The following SUPT3H variants were observed in gnomAD, a reference collection of about 807,000 sequenced individuals.
SUPT3H encodes the protein SPT3 homolog, SAGA and STAGA complex component.
Under a neutral mutation model 44.3 loss-of-function variants are expected in SUPT3H, and 44 were observed. The ratio of observed to expected loss-of-function variants is 0.99; its 90% CI spans 0.78 to 1.28. SUPT3H has a LOEUF of 1.28. Ranked by LOEUF, SUPT3H falls within the 50% of genes most tolerant of loss-of-function variation. SUPT3H has a pLI of 0.00. For missense variants in SUPT3H, 380 were observed against 387.1 expected, an observed-to-expected ratio of 0.98 and a Z score of 0.15; for synonymous variants, 124 against 125.6, an observed-to-expected ratio of 0.99 and a Z score of 0.09.
intron 3 of SUPT3H, among the ~76,000 whole-genome samples, chr6:45,093,812 A>G (rs1583497667): frequency 6.6e-6 from 1 of 152,148 alleles, no homozygotes; most frequent in Admixed American, 6.6e-5. Context: ...CAACAGACTG[A>G]ATGGCTTACT....
chr6:44,972,409 A>C (rs550535573), intron 6 of SUPT3H, among the ~76,000 whole-genome samples: 1 of 152,282 alleles, frequency 6.6e-6, no homozygotes, highest in East Asian at 1.9e-4. Context: ...GCCTCTTGTC[A>C]GCTACGCCCC....
intron 2 of SUPT3H, among the ~76,000 whole-genome samples, chr6:45,176,294 G>C (rs536801393): frequency 1.3e-4 from 20 of 151,662 alleles, no homozygotes; most frequent in African/African-American, 1.9e-4. Context: ...TTCCCTTTCC[G>C]AGTCAAAGAA....
intron 2 of SUPT3H, among the ~76,000 whole-genome samples, chr6:45,176,268 G>A (rs927666450): frequency 5.1e-4 from 77 of 150,344 alleles, no homozygotes; most frequent in Middle Eastern, 3.4e-3. Flanking sequence ...CCTGGGAAGC[G>A]CGAGGGGTCA....
At chr6:45,092,673 C>T (rs540379828) in intron 3 of SUPT3H, among the ~76,000 whole-genome samples, 1 of 147,776 alleles carries the variant, frequency 6.8e-6, no homozygotes, top group East Asian at 2.0e-4. Flanking sequence ...TTACTTGAAC[C>T]TGTGAGTTGG....
At chr6:45,079,521 G>C (rs989312821) in intron 3 of SUPT3H, among the ~76,000 whole-genome samples, 2 of 151,972 alleles carry the variant, frequency 1.3e-5, no homozygotes, top group Non-Finnish European at 2.9e-5. Flanking sequence ...AAAAAACCTA[G>C]AAGAACCATG....
At chr6:45,016,581 A>G (rs890835931) in intron 4 of SUPT3H, among the ~76,000 whole-genome samples, 3 of 144,110 alleles carry the variant, frequency 2.1e-5, no homozygotes, top group Admixed American at 7.4e-5. Flanking sequence ...TCTATGAGTG[A>G]GAACATGCAG....
chr6:45,136,289 G>A (rs955575490), intron 2 of SUPT3H, among the ~76,000 whole-genome samples: 3 of 152,148 alleles, frequency 2.0e-5, no homozygotes, highest in Non-Finnish European at 4.4e-5. Flanking sequence ...ATGTTTGGGT[G>A]ACAGACTTAG....
intron 2 of SUPT3H, among the ~76,000 whole-genome samples, chr6:45,331,986 C>T (rs1787610646): frequency 6.6e-6 from 1 of 151,906 alleles, no homozygotes; most frequent in Non-Finnish European, 1.5e-5. Context: ...GGAGCTAACT[C>T]ATTGAAGGCA....
rs151218917 is a variant in SUPT3H, at chr6:44,906,361, T to A, written c.912+26292A>T. Among the ~76,000 whole-genome samples the A allele has an allele frequency of 3.3e-4, 50 of 152,286 alleles. No individual in the cohort carries two copies. The East Asian group carries it at 8.9e-3, about 27-fold the overall frequency. The stretch of plus-strand genomic sequence containing the variant: ...AGGAACAATGTTTATTGTTTAAAGG[T>A]GGGAAATGATGGCTAAGCCACCAAA... On this transcript the variant is annotated intron_variant, in intron 10 of 10. Coordinates refer to ENST00000371459, the MANE Select transcript of SUPT3H (RefSeq NM_003599.4).
Position 45,324,631 on chromosome 6 carries a change from G to C in SUPT3H, c.101+40570C>G, listed in dbSNP as rs188158488. On this transcript the variant is annotated intron_variant, in intron 2 of 10. Coordinates refer to ENST00000371459, the MANE Select transcript of SUPT3H (RefSeq NM_003599.4). ...AGAGATTGGTAGAGAGAGAGAGATAGGGAGAGGGAGGGAGGGAAGGCAGGA... is the reference window on the plus strand; with the variant it reads ...AGAGATTGGTAGAGAGAGAGAGATACGGAGAGGGAGGGAGGGAAGGCAGGA... Among the ~76,000 whole-genome samples, 132 of 151,810 alleles carry C rather than the reference G, an allele frequency of 8.7e-4. 1 individual carries two copies. The highest frequency in any genetic ancestry group is 3.1e-3 in the African/African-American group (127 of 41,476).
intron 9 of SUPT3H, among the ~76,000 whole-genome samples, chr6:44,950,428 C>T (rs1229641150): frequency 6.6e-6 from 1 of 152,154 alleles, no homozygotes; most frequent in Admixed American, 6.5e-5. Context: ...ACCAACTGCA[C>T]TACTGGCCCA....
At chr6:44,898,816 T>G (rs1764515178) in intron 10 of SUPT3H, 1 of 152,312 alleles carries the variant, frequency 6.6e-6, no homozygotes, top group Non-Finnish European at 1.5e-5. Flanking sequence ...CAACAGGGTA[T>G]TCTTCCTATG....
At chr6:44,859,245 A>C (rs1774225922) in intron 10 of SUPT3H, among the ~76,000 whole-genome samples, 1 of 152,206 alleles carries the variant, frequency 6.6e-6, no homozygotes, top group Non-Finnish European at 1.5e-5. Flanking sequence ...AAAATAACTT[A>C]TAGACTAATC....
At chr6:45,311,337 T>C (rs1190128842) in intron 2 of SUPT3H, among the ~76,000 whole-genome samples, 3 of 152,148 alleles carry the variant, frequency 2.0e-5, no homozygotes, top group African/African-American at 7.2e-5. Context: ...GACCTAAGAA[T>C]AATCAGTGTT....
At chr6:45,292,525 G>A (rs1337078349) in intron 2 of SUPT3H, among the ~76,000 whole-genome samples, 2 of 151,842 alleles carry the variant, frequency 1.3e-5, no homozygotes, top group East Asian at 3.9e-4. Context: ...CCACTTAGAA[G>A]ATACAGAAAT....
chr6:44,901,169 T>A (rs949665426), intron 10 of SUPT3H, among the ~76,000 whole-genome samples: 1 of 152,118 alleles, frequency 6.6e-6, no homozygotes, highest in African/African-American at 2.4e-5. Context: ...CAAAGCTGGA[T>A]GGAGAATGAC....
chr6:45,205,874 A>G (rs1222082972), intron 2 of SUPT3H, among the ~76,000 whole-genome samples: 1 of 152,188 alleles, frequency 6.6e-6, no homozygotes, highest in Non-Finnish European at 1.5e-5. Context: ...CAGTGCTGAA[A>G]ACAGACTACC....
intron 10 of SUPT3H, among the ~76,000 whole-genome samples, chr6:44,860,533 GAGT>G (rs997451491): frequency 6.6e-6 from 1 of 152,196 alleles, no homozygotes; most frequent in African/African-American, 2.4e-5. Context: ...GCCGGACTGG[GAGT>G]AGAACCAGGT....
chr6:45,345,886 T>C (rs944869369), intron 2 of SUPT3H, among the ~76,000 whole-genome samples: 3 of 152,178 alleles, frequency 2.0e-5, no homozygotes, highest in Admixed American at 6.5e-5. Context: ...ACCCAGTTTC[T>C]CTCTAGACAC....
Sources: allele counts gnomAD v4.1 joint callset (sites outside exome capture counted in the v4.1 genomes callset), GRCh38; gene constraint gnomAD v4.1.1; transcripts MANE v1.5; gene names NCBI Gene and HGNC (gene_info 2026-07-23, HGNC 2026-07-21).